RNF24: variants seen among roughly 807,000 people sequenced by gnomAD.
RNF24 encodes the protein ring finger protein 24.
Under a neutral mutation model 20.0 loss-of-function variants are expected in RNF24, and 14 were observed. That is an observed-to-expected ratio of 0.70 (90% confidence interval 0.46 to 1.10). RNF24 has a LOEUF of 1.10. Ranked by LOEUF, RNF24 falls within the 50% of genes least tolerant of loss-of-function variation. The pLI is 0.00. For synonymous variants in RNF24, 45 were observed against 61.1 expected, an observed-to-expected ratio of 0.74 and a Z score of 1.23; for missense variants, 124 against 177.6, an observed-to-expected ratio of 0.70 and a Z score of 1.71.
intron 1 of RNF24, among the ~76,000 whole-genome samples, chr20:4,008,198 GAAGA>G (rs1982034237): frequency 6.9e-6 from 1 of 145,470 alleles, no homozygotes; most frequent in Non-Finnish European, 1.5e-5. Flanking sequence ...CATTACAAAT[GAAGA>G]AAGAGAGAGG....
At position 4,009,944 on chromosome 20, in the gene RNF24, G is replaced by A. The variant is rs6139271; in HGVS notation, c.-8+5493C>T. 6.2e-4 allele frequency among the ~76,000 whole-genome samples: 95 copies of A among 152,214 alleles called. 1 individual carries two copies. In the East Asian group the frequency reaches 0.018, roughly 29 times the overall value. On this transcript the variant is annotated intron_variant, in intron 1 of 5. Transcript: ENST00000358395. The stretch of plus-strand genomic sequence containing the variant: ...CGGGCACCTGTAATCCCAGCAACTG[G>A]GGAGGCTGAGGCAGGAGAATCGCTT...
rs144181436 is a variant in RNF24, at chr20:3,937,680, G to T, written c.229-2607C>A. Among the ~76,000 whole-genome samples, 253 of 151,958 alleles carry T rather than the reference G, an allele frequency of 1.7e-3. 2 individuals are homozygous for T. The highest frequency in any genetic ancestry group is 6.0e-3 in the African/African-American group (250 of 41,438). On this transcript the variant is annotated intron_variant, in intron 4 of 5. Coordinates refer to ENST00000358395, the MANE Select transcript of RNF24 (RefSeq NM_001134337.3). ...TTTATTGATGGATTTGTCTACTCGG[G>T]ACATTTCATATAAATGGAACCATAC...
chr20:3,986,909 T>C (rs1425971998), intron 1 of RNF24, among the ~76,000 whole-genome samples: 1 of 151,980 alleles, frequency 6.6e-6, no homozygotes, highest in African/African-American at 2.4e-5. Context: ...TTGGCCTTTT[T>C]TTTCTTTTTT....
At chr20:3,996,404 G>A (rs563128169) in intron 1 of RNF24, among the ~76,000 whole-genome samples, 11 of 152,148 alleles carry the variant, frequency 7.2e-5, no homozygotes, top group Non-Finnish European at 1.3e-4. Context: ...TATATTCTCC[G>A]AATGGACATT....
chr20:4,001,727 G>C (rs115743664), intron 1 of RNF24, among the ~76,000 whole-genome samples: 1 of 152,032 alleles, frequency 6.6e-6, no homozygotes, highest in Non-Finnish European at 1.5e-5. Flanking sequence ...CTTGAACCTA[G>C]GAGTTCAAGA....
chr20:3,968,054 C>T (rs2091278265), intron 1 of RNF24, among the ~76,000 whole-genome samples: 1 of 151,630 alleles, frequency 6.6e-6, no homozygotes, highest in African/African-American at 2.4e-5. Context: ...GCCTGTAATC[C>T]CAGCACTTTG....
rs962008273 is a variant in RNF24, at chr20:3,927,497, A to G, written c.*6566T>C. The G allele has an allele frequency of 4.4e-4, 67 of 152,348 alleles. No homozygotes were observed. The highest frequency in any genetic ancestry group is 1.1e-3 in the African/African-American group (46 of 41,580). The allele number at this position is 152,348 out of a possible 1,614,324, so 9.4% of individuals were successfully genotyped here. ...GAATTTTTAGTGTACAAAGACGTCT[A>G]TGAAACCTGAGGTTCAGCATTTCAT... On this transcript the variant is annotated 3_prime_UTR_variant, in exon 6 of 6. Transcript: ENST00000358395.
At chr20:3,990,315 T>C (rs1442683747) in intron 1 of RNF24, among the ~76,000 whole-genome samples, 2 of 152,174 alleles carry the variant, frequency 1.3e-5, no homozygotes, top group African/African-American at 4.8e-5. Context: ...ATCAGTGGAA[T>C]TGTGAGTAGA....
intron 2 of RNF24, among the ~76,000 whole-genome samples, chr20:3,955,259 A>C (rs1370231554): frequency 6.6e-6 from 1 of 152,214 alleles, no homozygotes; most frequent in African/African-American, 2.4e-5. Context: ...TTAAACCCTT[A>C]TCAGATAGGA....
At chr20:3,999,071 C>T (rs937598325) in intron 1 of RNF24, among the ~76,000 whole-genome samples, 4 of 152,250 alleles carry the variant, frequency 2.6e-5, no homozygotes, top group African/African-American at 9.6e-5. Context: ...CAGAGCAAGA[C>T]TCTGTCTCAA....
chr20:4,008,325 A>G (rs1982050526), intron 1 of RNF24, among the ~76,000 whole-genome samples: 1 of 91,404 alleles, frequency 1.1e-5, no homozygotes, highest in Non-Finnish European at 2.0e-5. Flanking sequence ...TATATATTAT[A>G]TATATAATAT....
At position 3,977,662 on chromosome 20, in the gene RNF24, G is replaced by A. The variant is rs376409286; in HGVS notation, c.-7-13638C>T. 4.6e-5 allele frequency among the ~76,000 whole-genome samples: 7 copies of A among 151,938 alleles called. No homozygotes were observed. In the South Asian group the frequency reaches 6.2e-4, roughly 14 times the overall value. Reference sequence around the variant, plus strand: ...GGGCGGATCACGAGGTCAGGAGATCGAGACCATCCTGGCTAACACGGTGAA... The same window carrying A: ...GGGCGGATCACGAGGTCAGGAGATCAAGACCATCCTGGCTAACACGGTGAA... On this transcript the variant is annotated intron_variant, in intron 1 of 5. Transcript: ENST00000358395.
rs142216714 is a variant in RNF24 at position 3,956,110 on chromosome 20, C to A, written c.143+7765G>T. Among the ~76,000 whole-genome samples, 11 of 152,088 alleles carry A rather than the reference C, an allele frequency of 7.2e-5. No individual in the cohort carries two copies. In the South Asian group the frequency reaches 2.3e-3, roughly 32 times the overall value. On this transcript the variant is annotated intron_variant, in intron 2 of 5. Transcript: ENST00000358395. ...ATAGTTACTTCTTTCTAGTTAGATG[C>A]CTTCTATTTCTTTTTCTTGCCTAAT... is the stretch of plus-strand genomic sequence containing the variant.
At position 3,974,420 on chromosome 20, in the gene RNF24, A is replaced by G. The variant is rs182475805; in HGVS notation, c.-7-10396T>C. On this transcript the variant is annotated intron_variant, in intron 1 of 5. Transcript: ENST00000358395. ...GAAGTTCTAGCCAGTGCAATAAGGT[A>G]GAAAAGGGAATAAAAGGCATACACA... 1.2e-4 allele frequency: 184 copies of G among 1,536,010 alleles called. No homozygotes were observed. The African/African-American group carries it at 2.3e-3, about 19-fold the overall frequency.
At chr20:3,997,506 C>A (rs56324992) in intron 1 of RNF24, among the ~76,000 whole-genome samples, 22,989 of 150,934 alleles carry the variant, frequency 0.15, 1,819 homozygotes, top group Non-Finnish European at 0.17. Flanking sequence ...GGCTCACTGT[C>A]GCCTCAAACT....
At chr20:3,982,103 GTC>G (rs34868373) in intron 1 of RNF24, among the ~76,000 whole-genome samples, 14,957 of 136,558 alleles carry the variant, frequency 0.11, 987 homozygotes, top group South Asian at 0.18. Flanking sequence ...GTGAGACCTC[GTC>G]TCTCTCTCTC....
intron 1 of RNF24, among the ~76,000 whole-genome samples, chr20:4,005,141 T>C (rs1010855810): frequency 6.6e-6 from 1 of 152,158 alleles, no homozygotes; most frequent in African/African-American, 2.4e-5. Flanking sequence ...AACTGGACCC[T>C]GAACTTGTAA....
At chr20:3,977,881 A>G (rs1445572666) in intron 1 of RNF24, among the ~76,000 whole-genome samples, 2 of 150,830 alleles carry the variant, frequency 1.3e-5, no homozygotes, top group South Asian at 2.1e-4. Flanking sequence ...AAAAAAAAAA[A>G]GGGCTCTAGC....
At position 3,934,030 on chromosome 20, in the gene RNF24, C is replaced by A; in HGVS notation, c.*33G>T. On this transcript the variant is annotated 3_prime_UTR_variant, in exon 6 of 6. Transcript: ENST00000358395. The surrounding 1 kb of genome is among the most constrained non-coding windows in gnomAD (Gnocchi z 4.0). ...GTTCCTCCTGGCTCCACACAGACGT[C>A]GTGTCCAGCAACAGTCTGATCCTTG... 2 of 1,424,570 alleles carry A rather than the reference C, an allele frequency of 1.4e-6. No individual in the cohort carries two copies. The highest frequency in any genetic ancestry group is 1.6e-5 in the South Asian group (1 of 60,718). 88.2% of individuals were successfully genotyped at this position (1,424,570 alleles called of 1,614,324 possible). A position where few individuals can be genotyped will look rare whatever the true frequency, so the allele number is the denominator to read the frequency against.
Sources: gnomAD v4.1 joint callset for allele counts (sites outside exome capture counted in the v4.1 genomes callset) on GRCh38, gnomAD v4.1.1 for gene constraint, Gnocchi (gnomAD v3.1) non-coding constraint, MANE v1.5 for transcripts, NCBI Gene and HGNC (gene_info 2026-07-23, HGNC 2026-07-21) for gene names.